The following GRM7 variants were observed in gnomAD, a reference collection of about 807,000 sequenced individuals.
GRM7 encodes metabotropic glutamate receptor 7.
In GRM7, 35 loss-of-function variants were observed where a neutral mutation model predicts 84.5. That is an observed-to-expected ratio of 0.41 (90% CI 0.32 to 0.55). GRM7 has a LOEUF of 0.55. GRM7 is among the 20% of genes least tolerant of loss of function. GRM7 has a pLI of 0.19. For missense variants in GRM7, 1,003 were observed against 1,194.6 expected (o/e 0.84, Z 2.36); for synonymous variants, 487 against 455.1 (o/e 1.07, Z -0.89).
At chr3:7,419,128 T>C (rs1176782082) in intron 5 of GRM7, among the ~76,000 whole-genome samples, 2 of 152,084 alleles carry the variant, frequency 1.3e-5, no homozygotes, top group Non-Finnish European at 2.9e-5. Flanking sequence ...GTATATCAAC[T>C]CCAATCAGAA....
chr3:7,471,993 G>A (rs1451175744), intron 7 of GRM7, among the ~76,000 whole-genome samples: 2 of 152,216 alleles, frequency 1.3e-5, no homozygotes, highest in Non-Finnish European at 2.9e-5. Context: ...AGTCATGGGT[G>A]CAAACCCCTC....
chr3:7,003,053 C>T (rs900663693), intron 1 of GRM7, among the ~76,000 whole-genome samples: 3 of 152,036 alleles, frequency 2.0e-5, no homozygotes, highest in African/African-American at 7.2e-5. Context: ...CTCAACAAAA[C>T]TCAGAGTAGA....
At chr3:7,276,199 A>ATG (rs753084649) in intron 2 of GRM7, among the ~76,000 whole-genome samples, 4 of 129,432 alleles carry the variant, frequency 3.1e-5, no homozygotes, top group Admixed American at 1.6e-4. Context: ...AATTATATAT[A>ATG]TATATATATG....
chr3:6,983,304 G>A (rs1312281702), intron 1 of GRM7, among the ~76,000 whole-genome samples: 3 of 152,186 alleles, frequency 2.0e-5, no homozygotes, highest in African/African-American at 7.2e-5. Context: ...GGTAATAATT[G>A]GTAAATAGTT....
At position 7,727,422 on chromosome 3, in the gene GRM7, A is replaced by G. The variant is rs532587202; in HGVS notation, c.2699-12935A>G. On this transcript the variant is annotated intron_variant, in intron 9 of 9. Coordinates refer to ENST00000357716, the MANE Select transcript of GRM7 (RefSeq NM_000844.4). ...ATTGTTCACATTAAAACAAAAAACA[A>G]TAAGACACCCTGAAATTCACTGGTG... Among the ~76,000 whole-genome samples, 9 of 152,358 alleles carry G rather than the reference A, an allele frequency of 5.9e-5. No homozygotes were observed. The South Asian group carries it at 6.2e-4, about 11-fold the overall frequency.
rs909102820 is a variant in GRM7, at chr3:6,877,665, T to A, written c.519+15758T>A. ...GAGGTAGATTGACATTCCGCTTGTA[T>A]GAGTAGAAAATGGTGTTCGTTTATA... On this transcript the variant is annotated intron_variant, in intron 1 of 9. Transcript: ENST00000357716. Among the ~76,000 whole-genome samples, 5 of 152,274 alleles carry A rather than the reference T, an allele frequency of 3.3e-5. 1 individual carries two copies. The highest frequency in any genetic ancestry group is 3.9e-4 in the East Asian group (2 of 5,182).
intron 2 of GRM7, among the ~76,000 whole-genome samples, chr3:7,252,628 G>T (rs1283001684): frequency 7.5e-6 from 1 of 132,904 alleles, no homozygotes; most frequent in Admixed American, 7.8e-5. Flanking sequence ...TAGATTTCTG[G>T]CTTGGCTTGG....
In GRM7 at chr3:6,928,368, C is replaced by A. The variant is rs1246093852; in HGVS notation, c.519+66461C>A. Among the ~76,000 whole-genome samples the A allele has an allele frequency of 1.3e-5, 2 of 152,024 alleles. No individual in the cohort carries two copies. The highest frequency in any genetic ancestry group is 2.9e-5 in the Non-Finnish European group (2 of 68,002). ...TGGCACTGGTCCTGCAGGAAGGTGG[C>A]AATGTTACTCACACAGTGAATTTGC... On this transcript the variant is annotated intron_variant, in intron 1 of 9. Transcript: ENST00000357716. This position sits in a 1 kb window ranked among gnomAD's most constrained non-coding sequence, Gnocchi z 4.5.
At chr3:7,282,893 C>T (rs949796804) in intron 2 of GRM7, among the ~76,000 whole-genome samples, 3 of 152,186 alleles carry the variant, frequency 2.0e-5, no homozygotes, top group South Asian at 4.1e-4. Context: ...GAGGAATTTA[C>T]ATTTATCCTT....
At chr3:7,127,798 T>C (rs2125049983) in intron 1 of GRM7, among the ~76,000 whole-genome samples, 1 of 152,256 alleles carries the variant, frequency 6.6e-6, no homozygotes, top group Admixed American at 6.5e-5. Flanking sequence ...TTACTTCCAA[T>C]ACTGTTAGCC....
At chr3:7,443,684 A>G (rs1187217156) in intron 5 of GRM7, among the ~76,000 whole-genome samples, 3 of 152,058 alleles carry the variant, frequency 2.0e-5, no homozygotes, top group African/African-American at 7.2e-5. Context: ...TGATTTGGTT[A>G]TGTATTTGAC....
intron 1 of GRM7, among the ~76,000 whole-genome samples, chr3:7,065,473 T>G (rs1697622443): frequency 6.6e-6 from 1 of 151,826 alleles, no homozygotes; most frequent in South Asian, 2.1e-4. Flanking sequence ...ATGTTTTTGT[T>G]TGCTTTGTCA....
rs74366112 is a variant in GRM7 at position 7,216,965 on chromosome 3, T to C, written c.736+70297T>C. On this transcript the variant is annotated intron_variant, in intron 2 of 9. Coordinates refer to ENST00000357716, the MANE Select transcript of GRM7 (RefSeq NM_000844.4). ...GTAACCAGCTAAAGGGAAGTTTTTG[T>C]AGTAATTTAAGTCATCACATCATTT... Among the ~76,000 whole-genome samples the C allele has an allele frequency of 1.6e-3, 239 of 152,346 alleles. 1 individual carries two copies. Among genetic ancestry groups the C allele is most frequent in the African/African-American group, 5.6e-3 (234 of 41,568 alleles).
chr3:7,297,197 C>T (rs1000171366), intron 2 of GRM7, among the ~76,000 whole-genome samples: 2 of 152,020 alleles, frequency 1.3e-5, no homozygotes, highest in African/African-American at 2.4e-5. Flanking sequence ...ATTGTACTTT[C>T]ATTTATATTT....
chr3:7,210,218 G>A (rs1399716718), intron 2 of GRM7, among the ~76,000 whole-genome samples: 1 of 152,150 alleles, frequency 6.6e-6, no homozygotes, highest in African/African-American at 2.4e-5. Context: ...CACAACATTT[G>A]TTGCACAAAG....
At chr3:7,272,780 T>C (rs539054974) in intron 2 of GRM7, among the ~76,000 whole-genome samples, 1 of 152,190 alleles carries the variant, frequency 6.6e-6, no homozygotes, top group African/African-American at 2.4e-5. Context: ...ATTTTGTTTA[T>C]CTTTTCAAAG....
At chr3:7,661,673 G>A (rs6443121) in intron 8 of GRM7, among the ~76,000 whole-genome samples, 104,431 of 150,434 alleles carry the variant, frequency 0.69, 37,080 homozygotes, top group African/African-American at 0.85. Context: ...GGGCGCCTGT[G>A]GTCCCAGCTA....
chr3:7,020,094 G>T (rs562885489), intron 1 of GRM7, among the ~76,000 whole-genome samples: 3 of 152,104 alleles, frequency 2.0e-5, no homozygotes, highest in African/African-American at 7.2e-5. Flanking sequence ...TGATTTGCCC[G>T]CCTCAGCATC....
intron 1 of GRM7, among the ~76,000 whole-genome samples, chr3:6,915,620 C>G (rs939843626): frequency 6.6e-6 from 1 of 152,114 alleles, no homozygotes; most frequent in Non-Finnish European, 1.5e-5. Flanking sequence ...ATGTTCTTTG[C>G]AAAATACAGA....
Sources: gnomAD v4.1 joint callset for allele counts (sites outside exome capture counted in the v4.1 genomes callset) on GRCh38, gnomAD v4.1.1 for gene constraint, Gnocchi (gnomAD v3.1) non-coding constraint, MANE v1.5 for transcripts, NCBI Gene and HGNC (gene_info 2026-07-23, HGNC 2026-07-21) for gene names.